MMS22L: variants seen among roughly 807,000 people sequenced by gnomAD.
MMS22L encodes the protein MMS22 like, DNA repair protein, also known as protein MMS22-like.
A neutral mutation model predicts 159.1 loss-of-function variants in MMS22L; 74 were observed. The observed-to-expected ratio is 0.47, with a 90% CI of 0.39 to 0.56. The LOEUF (loss-of-function observed/expected upper bound fraction) is 0.56. Among genes scored for constraint, MMS22L ranks in the 20% least tolerant of loss-of-function variants. The pLI is 0.00. For missense variants in MMS22L, 1,351 were observed against 1,422.1 expected (o/e 0.95, Z 0.80); for synonymous variants, 517 against 506.9 (o/e 1.02, Z -0.27).
intron 18 of MMS22L, 97 bp downstream of exon 18, chr6:97,178,346 A>C (rs918379994): frequency 1.1e-6 from 1 of 930,510 alleles, no homozygotes; most frequent in Non-Finnish European, 1.6e-6. Flanking sequence ...TCAATTTATA[A>C]GAATTCATTT....
At position 97,231,614 on chromosome 6, in the gene MMS22L, G is replaced by A; in HGVS notation, c.1341C>T (p.Gly447=). Residue 447 remains glycine (G), a synonymous_variant, in exon 13 of 25, where the codon GGC becomes GGT. Coordinates refer to ENST00000683635, the MANE Select transcript of MMS22L (RefSeq NM_001350599.2). ...SFSISWLPFK[G]LANTMKSPLS... ...AGGGTGACTTCATGGTATTAGCAAG[G>A]CCTTTAAAAGGAAGCCAAGAAATAC... is the stretch of plus-strand genomic sequence containing the variant. 1 of 1,613,374 alleles carries A rather than the reference G, an allele frequency of 6.2e-7. No individual in the cohort carries two copies. The highest frequency in any genetic ancestry group is 8.5e-7 in the Non-Finnish European group (1 of 1,179,618).
chr6:97,188,967 T>C (rs1805550500), intron 14 of MMS22L, among the ~76,000 whole-genome samples: 1 of 150,980 alleles, frequency 6.6e-6, no homozygotes, highest in Non-Finnish European at 1.5e-5. Context: ...CTCAAAATAA[T>C]TTAAAAATAA....
intron 2 of MMS22L, 59 bp downstream of exon 2, chr6:97,282,255 C>T: frequency 6.4e-7 from 1 of 1,554,262 alleles, no homozygotes; most frequent in Non-Finnish European, 8.8e-7. Flanking sequence ...AAATAACTAA[C>T]ATTCCTAAAA....
At chr6:97,256,386 T>C (rs947619405) in intron 9 of MMS22L, among the ~76,000 whole-genome samples, 6 of 152,176 alleles carry the variant, frequency 3.9e-5, no homozygotes, top group Admixed American at 2.0e-4. Context: ...ATTACTGATT[T>C]ATACAAAACA....
At chr6:97,228,829 T>C (rs1810531633) in intron 14 of MMS22L, 65 bp downstream of exon 14, 3 of 1,432,380 alleles carry the variant, frequency 2.1e-6, no homozygotes, top group Non-Finnish European at 2.8e-6. Context: ...ATAACTTTAA[T>C]ATAAAATCCA....
chr6:97,155,802 A>C (rs922292915), intron 22 of MMS22L, among the ~76,000 whole-genome samples: 1 of 152,194 alleles, frequency 6.6e-6, no homozygotes. Context: ...ATATGTGTAC[A>C]TGTGTCTTTT....
intron 22 of MMS22L, among the ~76,000 whole-genome samples, chr6:97,155,960 G>T (rs960038548): frequency 8.5e-5 from 13 of 152,164 alleles, no homozygotes; most frequent in African/African-American, 3.1e-4. Context: ...GTGTGAAAGT[G>T]TTCCTATTTC....
intron 14 of MMS22L, among the ~76,000 whole-genome samples, chr6:97,189,801 TAGTTTGAA>T (rs1805683097): frequency 6.6e-6 from 1 of 152,116 alleles, no homozygotes; most frequent in African/African-American, 2.4e-5. Context: ...TCCTGCTCAA[TAGTTTGAA>T]AGTTCAAGCT....
At chr6:97,247,202 A>C (rs148413046) in intron 10 of MMS22L, among the ~76,000 whole-genome samples, 29 of 152,352 alleles carry the variant, frequency 1.9e-4, no homozygotes, top group African/African-American at 6.5e-4. Context: ...GATTTCCATA[A>C]GGAAGAAAGC....
At chr6:97,262,179 C>G (rs528703617) in intron 9 of MMS22L, among the ~76,000 whole-genome samples, 7 of 152,190 alleles carry the variant, frequency 4.6e-5, no homozygotes, top group Non-Finnish European at 8.8e-5. Flanking sequence ...CCCTTAATGC[C>G]TGAAAGCCAA....
At chr6:97,241,747 T>C (rs1267462510) in intron 11 of MMS22L, among the ~76,000 whole-genome samples, 2 of 152,256 alleles carry the variant, frequency 1.3e-5, no homozygotes, top group Non-Finnish European at 2.9e-5. Context: ...TTTAATGCTA[T>C]GAACTTTCCT....
In MMS22L at chr6:97,162,055, T is replaced by G; in HGVS notation, c.3332A>C (p.Glu1111Ala). ...TTTTAAAATGCCAGGGAGGAGTAGT[T>G]CAACTTCATAAATGTCTGTGTTAGT... is the stretch of plus-strand genomic sequence containing the variant. ...KETNTDIYEV[E>A]LLLPGILKCL... is the part of the protein sequence containing the mutation. The change falls in exon 22 of 25, where the codon GAA (glutamate) becomes GCA (alanine). Residue 1111 changes from glutamate (E) to alanine (A), a missense_variant. Transcript: ENST00000683635. The G allele has an allele frequency of 6.2e-7, 1 of 1,612,360 alleles. No individual in the cohort carries two copies. The highest frequency in any genetic ancestry group is 1.1e-5 in the South Asian group (1 of 90,936).
chr6:97,184,452 T>G (rs190551503), intron 15 of MMS22L, among the ~76,000 whole-genome samples: 126 of 152,226 alleles, frequency 8.3e-4, no homozygotes, highest in Non-Finnish European at 1.4e-3. Context: ...GATCATTATC[T>G]AAGTGCCTAC....
chr6:97,181,790 GTGAGAGT>G, intron 16 of MMS22L, 107 bp downstream of exon 16: 2 of 1,045,928 alleles, frequency 1.9e-6, no homozygotes, highest in Non-Finnish European at 2.6e-6. Context: ...ACCTGACAAA[GTGAGAGT>G]ATATGTAGTA....
chr6:97,148,182 G>A (rs574424584), intron 24 of MMS22L, among the ~76,000 whole-genome samples: 2 of 152,138 alleles, frequency 1.3e-5, no homozygotes, highest in South Asian at 4.2e-4. Context: ...GGTGATGCAG[G>A]TATAAACAAA....
intron 9 of MMS22L, chr6:97,259,141 AT>A (rs745318302): frequency 1.1e-4 from 16 of 152,028 alleles, no homozygotes; most frequent in Non-Finnish European, 1.5e-4. Context: ...CTTTTTCCTA[AT>A]TTCTTATACA....
intron 14 of MMS22L, among the ~76,000 whole-genome samples, chr6:97,201,235 T>C (rs897217582): frequency 1.3e-5 from 2 of 152,168 alleles, no homozygotes; most frequent in Non-Finnish European, 2.9e-5. Context: ...CAACAGATAA[T>C]ATATAATATA....
chr6:97,220,826 C>CT (rs1809549693), intron 14 of MMS22L, among the ~76,000 whole-genome samples: 2 of 152,032 alleles, frequency 1.3e-5, no homozygotes, highest in Admixed American at 1.3e-4. Context: ...TCCTACAATT[C>CT]TTTGTTTTTA....
At chr6:97,254,489 T>G in intron 10 of MMS22L, 68 bp downstream of exon 10, 1 of 1,298,960 alleles carries the variant, frequency 7.7e-7, no homozygotes, top group Non-Finnish European at 1.1e-6. Flanking sequence ...TCACTTATTT[T>G]CTAATTTGTC....
Sources: allele counts gnomAD v4.1 joint callset (sites outside exome capture counted in the v4.1 genomes callset), GRCh38; gene constraint gnomAD v4.1.1; transcripts MANE v1.5; gene names NCBI Gene and HGNC (gene_info 2026-07-23, HGNC 2026-07-21).